WWOX: variants seen among roughly 807,000 people sequenced by gnomAD.
WWOX encodes WW domain containing oxidoreductase, also known as WW domain-containing oxidoreductase.
In WWOX, 69 loss-of-function variants were observed where a neutral mutation model predicts 46.2. That is an observed-to-expected ratio of 1.49 (90% CI 1.23 to 1.82). The LOEUF (loss-of-function observed/expected upper bound fraction) is 1.82, where lower values mean the gene tolerates loss of function less well. Among genes scored for constraint, WWOX ranks in the 40% most tolerant of loss-of-function variants. The pLI is 0.00. For synonymous variants in WWOX, 359 were observed against 202.6 expected (o/e 1.77, Z -6.56); for missense variants, 919 against 542.6 (o/e 1.69, Z -6.89).
chr16:78,757,764 T>G (rs371928544), intron 8 of WWOX, among the ~76,000 whole-genome samples: 2 of 151,976 alleles, frequency 1.3e-5, no homozygotes, highest in African/African-American at 4.8e-5. Flanking sequence ...ATCTTTCTGA[T>G]TGACAGATAG....
intron 8 of WWOX, among the ~76,000 whole-genome samples, chr16:78,606,211 A>G (rs1325170332): frequency 6.6e-6 from 1 of 152,200 alleles, no homozygotes; most frequent in Non-Finnish European, 1.5e-5. Context: ...GTAAAAACAC[A>G]TACTTCTTTT....
chr16:78,857,971 G>C (rs4888869), intron 8 of WWOX, among the ~76,000 whole-genome samples: 1 of 151,932 alleles, frequency 6.6e-6, no homozygotes, highest in Non-Finnish European at 1.5e-5. Context: ...CTTTTTTAGC[G>C]TTATTTTGTG....
intron 8 of WWOX, among the ~76,000 whole-genome samples, chr16:78,473,704 G>T (rs944995697): frequency 1.3e-5 from 2 of 152,060 alleles, no homozygotes; most frequent in African/African-American, 4.8e-5. Flanking sequence ...CCTTGACTTT[G>T]CCTGTGTACC....
At chr16:78,746,179 G>T (rs1320844362) in intron 8 of WWOX, among the ~76,000 whole-genome samples, 1 of 152,198 alleles carries the variant, frequency 6.6e-6, no homozygotes, top group Non-Finnish European at 1.5e-5. Flanking sequence ...AGCAGGGTCA[G>T]CAGAAAGCTG....
At chr16:78,594,133 G>A (rs2045419119) in intron 8 of WWOX, among the ~76,000 whole-genome samples, 1 of 151,976 alleles carries the variant, frequency 6.6e-6, no homozygotes, top group South Asian at 2.1e-4. Flanking sequence ...CCTCCTCCTG[G>A]CTTATTAATG....
At chr16:78,413,312 G>A (rs2082725097) in intron 6 of WWOX, among the ~76,000 whole-genome samples, 1 of 152,178 alleles carries the variant, frequency 6.6e-6, no homozygotes, top group South Asian at 2.1e-4. Flanking sequence ...AACAGGGTTT[G>A]TGTGAACAAC....
intron 5 of WWOX, among the ~76,000 whole-genome samples, chr16:78,311,118 G>C (rs950549815): frequency 3.3e-5 from 5 of 152,156 alleles, no homozygotes; most frequent in Admixed American, 3.3e-4. Flanking sequence ...CAGACATCCT[G>C]TGGGTTAAAG....
At chr16:78,289,129 C>T (rs2079818978) in intron 5 of WWOX, among the ~76,000 whole-genome samples, 1 of 152,170 alleles carries the variant, frequency 6.6e-6, no homozygotes, top group Non-Finnish European at 1.5e-5. Context: ...ACCTGGAGCG[C>T]TGGGAGGTAA....
chr16:79,071,976 T>A (rs1315816366), intron 8 of WWOX, among the ~76,000 whole-genome samples: 1 of 152,182 alleles, frequency 6.6e-6, no homozygotes, highest in Non-Finnish European at 1.5e-5. Context: ...TCGTTCTTTT[T>A]TGTATTAGCT....
Position 78,397,849 on chromosome 16 carries a change from A to G in WWOX, c.605+10901A>G, listed in dbSNP as rs138428093. On this transcript the variant is annotated intron_variant, in intron 6 of 8. Transcript: ENST00000566780. ...CTTTCAGCCAATTTTCTATCACCAA[A>G]GGGAAATCGTTTTGCTGGAATATGT... 2.6e-4 allele frequency among the ~76,000 whole-genome samples: 40 copies of G among 152,310 alleles called. No individual in the cohort carries two copies. The East Asian group carries it at 7.3e-3, about 28-fold the overall frequency.
intron 5 of WWOX, among the ~76,000 whole-genome samples, chr16:78,231,378 A>C (rs933078876): frequency 1.3e-5 from 2 of 152,200 alleles, no homozygotes; most frequent in South Asian, 4.1e-4. Context: ...AAATTAATCA[A>C]CTTGCAGCTG....
At chr16:78,454,833 T>C (rs1274709381) in intron 8 of WWOX, among the ~76,000 whole-genome samples, 1 of 152,174 alleles carries the variant, frequency 6.6e-6, no homozygotes, top group Non-Finnish European at 1.5e-5. Context: ...GTGCCAATGA[T>C]GACCCAGTTT....
chr16:79,032,584 G>A (rs191532446), intron 8 of WWOX, among the ~76,000 whole-genome samples: 9 of 146,910 alleles, frequency 6.1e-5, no homozygotes, highest in Admixed American at 4.1e-4. Flanking sequence ...ATATAATTTG[G>A]GGGGCAAAAA....
chr16:78,924,043 C>A (rs2045442356), intron 8 of WWOX, among the ~76,000 whole-genome samples: 1 of 151,854 alleles, frequency 6.6e-6, no homozygotes, highest in African/African-American at 2.4e-5. Context: ...GTTTTGATAT[C>A]CTGATTTCGT....
chr16:78,136,613 G>T (rs567292419), intron 4 of WWOX, among the ~76,000 whole-genome samples: 1 of 152,320 alleles, frequency 6.6e-6, no homozygotes, highest in Non-Finnish European at 1.5e-5. Context: ...CTTGAGGAAC[G>T]TAGAGCTTTT....
chr16:78,766,722 G>A (rs1357933256), intron 8 of WWOX, among the ~76,000 whole-genome samples: 1 of 152,194 alleles, frequency 6.6e-6, no homozygotes, highest in Non-Finnish European at 1.5e-5. Flanking sequence ...CTCAGAGCAA[G>A]GGCAGATCAA....
chr16:78,482,221 C>T (rs1250778299), intron 8 of WWOX, among the ~76,000 whole-genome samples: 2 of 152,072 alleles, frequency 1.3e-5, no homozygotes, highest in African/African-American at 4.8e-5. Context: ...ATCCCAATGT[C>T]AAATAACTCC....
chr16:78,511,922 A>C (rs1293221942), intron 8 of WWOX, among the ~76,000 whole-genome samples: 1 of 152,180 alleles, frequency 6.6e-6, no homozygotes. Flanking sequence ...ATACCCAGCT[A>C]CTTCTGTTTA....
At chr16:78,503,880 G>A (rs1470231118) in intron 8 of WWOX, 1 of 152,180 alleles carries the variant, frequency 6.6e-6, no homozygotes, top group Non-Finnish European at 1.5e-5. Context: ...GCCAGTTGAA[G>A]ATTAACATGC....
Sources: allele counts gnomAD v4.1 joint callset (sites outside exome capture counted in the v4.1 genomes callset), GRCh38; gene constraint gnomAD v4.1.1; transcripts MANE v1.5; gene names NCBI Gene and HGNC (gene_info 2026-07-23, HGNC 2026-07-21).